The following FAXC variants were observed in gnomAD, a reference collection of about 807,000 sequenced individuals.
FAXC encodes the protein failed axon connections homolog, metaxin like GST domain containing.
A neutral mutation model predicts 41.9 loss-of-function variants in FAXC; 10 were observed. The ratio of observed to expected loss-of-function variants is 0.24; its 90% CI spans 0.15 to 0.41. FAXC has a LOEUF of 0.41. FAXC is among the 10% of genes least tolerant of loss of function. The pLI, the probability that FAXC is intolerant of heterozygous loss-of-function variation, is 1.00. For missense variants in FAXC, 399 were observed against 510.9 expected (o/e 0.78, Z 2.11); for synonymous variants, 183 against 183.8 (o/e 1.00, Z 0.03).
At chr6:99,341,402 G>C (rs929007067) in intron 2 of FAXC, among the ~76,000 whole-genome samples, 1 of 152,052 alleles carries the variant, frequency 6.6e-6, no homozygotes, top group Non-Finnish European at 1.5e-5. Flanking sequence ...AAAAGAGAGA[G>C]AGAATGAAGA....
At chr6:99,315,233 A>T (rs1219602498) in intron 4 of FAXC, among the ~76,000 whole-genome samples, 2 of 26,470 alleles carry the variant, frequency 7.6e-5, no homozygotes, top group African/African-American at 3.9e-4. Flanking sequence ...ACTCCATCTT[A>T]AAAAAAAAAA....
At chr6:99,342,819 G>A (rs775263266) in intron 2 of FAXC, 79 bp downstream of exon 2, 351 of 1,412,186 alleles carry the variant, frequency 2.5e-4, no homozygotes, top group Non-Finnish European at 2.8e-4. Flanking sequence ...TGTGTGAGAC[G>A]AAATATTCCC....
intron 4 of FAXC, among the ~76,000 whole-genome samples, chr6:99,315,542 A>C (rs560072996): frequency 6.6e-6 from 1 of 152,336 alleles, no homozygotes; most frequent in South Asian, 2.1e-4. Context: ...TTAACCACAC[A>C]GTCCTAAGTC....
intron 4 of FAXC, among the ~76,000 whole-genome samples, chr6:99,292,908 G>A (rs1475078205): frequency 6.6e-6 from 1 of 152,262 alleles, no homozygotes; most frequent in East Asian, 1.9e-4. Context: ...CCAGGTTCAA[G>A]TGAGTCTCCT....
chr6:99,310,753 T>C (rs1346183408), intron 4 of FAXC, among the ~76,000 whole-genome samples: 1 of 152,264 alleles, frequency 6.6e-6, no homozygotes, highest in Non-Finnish European at 1.5e-5. Context: ...ATATGCTAAA[T>C]GTGCTAACAT....
At chr6:99,309,371 G>A (rs138614105) in intron 4 of FAXC, among the ~76,000 whole-genome samples, 130 of 152,264 alleles carry the variant, frequency 8.5e-4, no homozygotes, top group Middle Eastern at 3.4e-3. Flanking sequence ...GTAGCAATCC[G>A]TTTGTATCGC....
At chr6:99,295,410 A>G (rs1346492600) in intron 4 of FAXC, among the ~76,000 whole-genome samples, 1 of 152,226 alleles carries the variant, frequency 6.6e-6, no homozygotes, top group African/African-American at 2.4e-5. Flanking sequence ...TAGCATGTGA[A>G]TTAGTGGACT....
intron 4 of FAXC, among the ~76,000 whole-genome samples, chr6:99,318,372 T>A (rs1230499004): frequency 6.6e-6 from 1 of 151,336 alleles, no homozygotes; most frequent in African/African-American, 2.4e-5. Flanking sequence ...AAATTATGCA[T>A]AAAAATATTG....
intron 1 of FAXC, among the ~76,000 whole-genome samples, chr6:99,346,226 T>C (rs1773586146): frequency 1.3e-5 from 2 of 152,228 alleles, no homozygotes; most frequent in Admixed American, 6.5e-5. Flanking sequence ...CTCTAAAGCC[T>C]TGGTCTTTGA....
intron 4 of FAXC, among the ~76,000 whole-genome samples, chr6:99,297,742 G>C (rs1451743636): frequency 1.3e-5 from 2 of 152,122 alleles, no homozygotes; most frequent in African/African-American, 4.8e-5. Flanking sequence ...ACATGCAGGT[G>C]CTCATCCTAT....
intron 3 of FAXC, among the ~76,000 whole-genome samples, chr6:99,326,365 G>C (rs221525): frequency 0.12 from 17,950 of 152,136 alleles, 2,005 homozygotes; most frequent in East Asian, 0.39. Context: ...GACTACAATG[G>C]ATGTAAAGAT....
At chr6:99,348,193 G>A (rs1037288032) in intron 1 of FAXC, among the ~76,000 whole-genome samples, 12 of 152,130 alleles carry the variant, frequency 7.9e-5, no homozygotes, top group African/African-American at 2.9e-4. Flanking sequence ...GAAAATACTG[G>A]CAAAGAGACA....
At chr6:99,348,226 C>T (rs901822914) in intron 1 of FAXC, among the ~76,000 whole-genome samples, 6 of 152,178 alleles carry the variant, frequency 3.9e-5, no homozygotes, top group Non-Finnish European at 5.9e-5. Flanking sequence ...GAAAACTGGG[C>T]TTCTGGTAAT....
intron 2 of FAXC, among the ~76,000 whole-genome samples, chr6:99,341,062 T>C (rs1773410120): frequency 6.6e-6 from 1 of 152,236 alleles, no homozygotes; most frequent in Admixed American, 6.5e-5. Context: ...CGTAAACTGC[T>C]AATGTGTTTG....
At chr6:99,328,813 T>C (rs1181844545) in intron 3 of FAXC, among the ~76,000 whole-genome samples, 1 of 152,206 alleles carries the variant, frequency 6.6e-6, no homozygotes, top group Non-Finnish European at 1.5e-5. Context: ...CCTCCAGCCT[T>C]TGAGCCACTT....
At chr6:99,322,976 G>T (rs934174822) in intron 4 of FAXC, among the ~76,000 whole-genome samples, 1 of 152,186 alleles carries the variant, frequency 6.6e-6, no homozygotes, top group South Asian at 2.1e-4. Flanking sequence ...AATGACAAAT[G>T]TTCCACATAT....
Position 99,291,715 on chromosome 6 carries a change from C to T in FAXC, c.929G>A (p.Arg310Gln), listed in dbSNP as rs760896417. 4 of 1,613,588 alleles carry T rather than the reference C, an allele frequency of 2.5e-6. No homozygotes were observed. Among genetic ancestry groups the T allele is most frequent in the South Asian group, 2.2e-5 (2 of 91,054 alleles). ...AGTGTAGGGCTTGCCTTTGATCAGC[C>T]GTTCGGGTCTTGTCCCTGGTAAGGT... is the stretch of plus-strand genomic sequence containing the variant. Reference protein sequence around the residue: ...MWTLPGTRPERLIKGELINLA... With the variant: ...MWTLPGTRPEQLIKGELINLA... The change falls in exon 5 of 6, where the codon CGG becomes CAG. Residue 310 changes from arginine (R) to glutamine (Q), a missense_variant. This residue lies in a region of FAXC where 239 missense variants were observed against 352.7 expected (regional missense o/e 0.68). Transcript: ENST00000389677.
intron 4 of FAXC, among the ~76,000 whole-genome samples, chr6:99,308,408 A>G (rs1772015434): frequency 6.6e-6 from 1 of 152,236 alleles, no homozygotes; most frequent in Admixed American, 6.5e-5. Flanking sequence ...TACTGGTAAG[A>G]CCACGTGGCA....
intron 4 of FAXC, among the ~76,000 whole-genome samples, chr6:99,318,175 C>T (rs563415710): frequency 2.0e-5 from 3 of 151,360 alleles, no homozygotes; most frequent in Non-Finnish European, 4.4e-5. Flanking sequence ...AGGAGAATGG[C>T]GTGAACCCGG....
Sources: gnomAD v4.1 joint callset for allele counts (sites outside exome capture counted in the v4.1 genomes callset) on GRCh38, gnomAD v4.1.1 for gene constraint, gnomAD v4.1.1 regional missense constraint, MANE v1.5 for transcripts, NCBI Gene and HGNC (gene_info 2026-07-23, HGNC 2026-07-21) for gene names.